The following KCNIP4 variants were observed in gnomAD, a reference collection of about 807,000 sequenced individuals.
KCNIP4 encodes the protein potassium voltage-gated channel interacting protein 4.
In KCNIP4, 12 loss-of-function variants were observed where a neutral mutation model predicts 34.0. The observed-to-expected ratio is 0.35, with a 90% CI of 0.23 to 0.57. KCNIP4 has a LOEUF of 0.57. KCNIP4 is among the 20% of genes least tolerant of loss of function. KCNIP4 has a pLI of 0.83. For synonymous variants in KCNIP4, 124 were observed against 102.2 expected (o/e 1.21, Z -1.29); for missense variants, 238 against 311.7 (o/e 0.76, Z 1.78).
chr4:21,942,811 G>A (rs2109021348), intron 1 of KCNIP4, among the ~76,000 whole-genome samples: 1 of 152,312 alleles, frequency 6.6e-6, no homozygotes, highest in South Asian at 2.1e-4. Flanking sequence ...AGGCAGGAGT[G>A]CAATGGTGCG....
chr4:21,087,518 C>T (rs1415809617), intron 1 of KCNIP4, among the ~76,000 whole-genome samples: 1 of 152,028 alleles, frequency 6.6e-6, no homozygotes, highest in Non-Finnish European at 1.5e-5. Context: ...GAACTCCTGA[C>T]CTCAGGTGAC....
chr4:20,733,274 TTTAAC>T (rs1314130395), intron 6 of KCNIP4, among the ~76,000 whole-genome samples: 12 of 152,184 alleles, frequency 7.9e-5, no homozygotes, highest in Non-Finnish European at 1.6e-4. Flanking sequence ...CTACTGTGGC[TTTAAC>T]TTAAGTCACA....
rs73798811 is a variant in KCNIP4, at chr4:21,402,147, C to G, written c.62-519438G>C. Among the ~76,000 whole-genome samples, 984 of 152,272 alleles carry G rather than the reference C, an allele frequency of 6.5e-3. 21 individuals are homozygous for G. The highest frequency in any genetic ancestry group is 0.022 in the African/African-American group (927 of 41,564). ...ACACATTCTTAACTCCTTTGAAATG[C>G]AGAATGAGAAAAAATTATTTGTCTT... On this transcript the variant is annotated intron_variant, in intron 1 of 8. Transcript: ENST00000382152.
chr4:21,384,147 T>C (rs1721797342), intron 1 of KCNIP4, among the ~76,000 whole-genome samples: 1 of 152,000 alleles, frequency 6.6e-6, no homozygotes, highest in African/African-American at 2.4e-5. Flanking sequence ...CCTCAGAAAG[T>C]CTCTAACTCA....
At chr4:20,892,795 G>GT (rs1312186916) in intron 1 of KCNIP4, among the ~76,000 whole-genome samples, 1 of 152,176 alleles carries the variant, frequency 6.6e-6, no homozygotes, top group Non-Finnish European at 1.5e-5. Flanking sequence ...CCTCTCTGCT[G>GT]TACTGGCAGA....
intron 1 of KCNIP4, among the ~76,000 whole-genome samples, chr4:21,344,005 T>G (rs1717034707): frequency 1.3e-5 from 2 of 152,152 alleles, no homozygotes. Flanking sequence ...CTCATTGCTG[T>G]GCCTTTTCAC....
At chr4:20,752,035 A>G (rs906900962) in intron 4 of KCNIP4, among the ~76,000 whole-genome samples, 1 of 149,322 alleles carries the variant, frequency 6.7e-6, no homozygotes, top group Non-Finnish European at 1.5e-5. Context: ...TGATAACAAT[A>G]TCAGTATGTA....
intron 1 of KCNIP4, among the ~76,000 whole-genome samples, chr4:21,602,121 C>G (rs1353269652): frequency 6.6e-6 from 1 of 151,948 alleles, no homozygotes; most frequent in East Asian, 1.9e-4. Flanking sequence ...GCTTCTTCAA[C>G]CTTGGGCACT....
chr4:21,352,055 C>T (rs1053247306), intron 1 of KCNIP4, among the ~76,000 whole-genome samples: 3 of 152,106 alleles, frequency 2.0e-5, no homozygotes, highest in African/African-American at 7.2e-5. Context: ...CTGCTTGAAG[C>T]ATGACCCTAC....
At chr4:21,251,783 A>G (rs1020612392) in intron 1 of KCNIP4, among the ~76,000 whole-genome samples, 2 of 148,436 alleles carry the variant, frequency 1.3e-5, no homozygotes, top group African/African-American at 4.9e-5. Context: ...AACACCGCAT[A>G]TTCTCACTCA....
In KCNIP4 at chr4:21,683,446, A is replaced by ATTTTTTTTTTTTTTT. The variant is rs71191533; in HGVS notation, c.61+265110_61+265124dup. Reference sequence around the variant, plus strand: ...TACGACTAATGATTGGTGAAGCCAGATTTTTTTTTTTTTTTTTTTTTTTTT... The same window carrying ATTTTTTTTTTTTTTT: ...TACGACTAATGATTGGTGAAGCCAGATTTTTTTTTTTTTTTTTTTTTTTTTTTTTTTTTTTTTTTT... On this transcript the variant is annotated intron_variant, in intron 1 of 8. Coordinates refer to ENST00000382152, the MANE Select transcript of KCNIP4 (RefSeq NM_025221.6). 1.2e-3 allele frequency among the ~76,000 whole-genome samples: 58 copies of ATTTTTTTTTTTTTTT among 46,612 alleles called. 18 individuals carry two copies. Among genetic ancestry groups the ATTTTTTTTTTTTTTT allele is most frequent in the Non-Finnish European group, 2.2e-3 (52 of 24,002 alleles). The allele number at this position is 46,612 out of a possible 152,430, so 30.6% of individuals were successfully genotyped here. A position where few individuals can be genotyped will look rare whatever the true frequency, so the allele number is the denominator to read the frequency against.
At chr4:21,015,767 A>G (rs1739469124) in intron 1 of KCNIP4, among the ~76,000 whole-genome samples, 1 of 136,630 alleles carries the variant, frequency 7.3e-6, no homozygotes, top group Non-Finnish European at 1.5e-5. Flanking sequence ...AATATATACA[A>G]TATACATTTA....
chr4:21,109,919 T>G (rs1749007346), intron 1 of KCNIP4, among the ~76,000 whole-genome samples: 1 of 151,134 alleles, frequency 6.6e-6, no homozygotes, highest in Non-Finnish European at 1.5e-5. Flanking sequence ...AAAGAAAAAA[T>G]GTATATATAA....
At chr4:21,257,933 G>T (rs1425417488) in intron 1 of KCNIP4, among the ~76,000 whole-genome samples, 1 of 152,056 alleles carries the variant, frequency 6.6e-6, no homozygotes, top group East Asian at 1.9e-4. Context: ...ATGCAAAGTA[G>T]CAAGCCGTTC....
In KCNIP4 at chr4:21,948,664, G is replaced by A; in HGVS notation, c.-33C>T. 6.2e-7 allele frequency: 1 copy of A among 1,605,014 alleles called. No individual in the cohort carries two copies. The highest frequency in any genetic ancestry group is 8.5e-7 in the Non-Finnish European group (1 of 1,175,442). ...GACGCAGGGTGCAGAAGCGAGACTC[G>A]AGAGTCCACCGGCCAGGGGCGTCTG... On this transcript the variant is annotated 5_prime_UTR_variant, in exon 1 of 9. Coordinates refer to ENST00000382152, the MANE Select transcript of KCNIP4 (RefSeq NM_025221.6).
intron 1 of KCNIP4, among the ~76,000 whole-genome samples, chr4:21,620,499 A>G (rs941027822): frequency 6.6e-6 from 1 of 152,176 alleles, no homozygotes; most frequent in African/African-American, 2.4e-5. Context: ...CCTCAAAATA[A>G]AAATACGATA....
At chr4:21,445,413 T>C (rs897883757) in intron 1 of KCNIP4, among the ~76,000 whole-genome samples, 4 of 152,296 alleles carry the variant, frequency 2.6e-5, no homozygotes, top group East Asian at 3.9e-4. Flanking sequence ...ATGGTACTGG[T>C]ACCAAAACAG....
chr4:21,637,783 CAAAAA>C (rs3050028), intron 1 of KCNIP4, among the ~76,000 whole-genome samples: 75 of 109,432 alleles, frequency 6.9e-4, no homozygotes, highest in African/African-American at 1.2e-3. Flanking sequence ...AAGTCCGTCT[CAAAAA>C]AAAAAAAAAA....
chr4:21,693,686 G>A (rs967052036), intron 1 of KCNIP4, among the ~76,000 whole-genome samples: 2 of 152,146 alleles, frequency 1.3e-5, no homozygotes, highest in Admixed American at 1.3e-4. Context: ...TGAAACAAAT[G>A]GACAAATGTG....
Sources: allele counts gnomAD v4.1 joint callset (sites outside exome capture counted in the v4.1 genomes callset), GRCh38; gene constraint gnomAD v4.1.1; transcripts MANE v1.5; gene names NCBI Gene and HGNC (gene_info 2026-07-23, HGNC 2026-07-21).